Variants in PLXDC1 observed in about 807,000 individuals in gnomAD.
PLXDC1 encodes plexin domain containing 1, also known as plexin domain-containing protein 1.
PLXDC1 carries 39 observed loss-of-function variants against 61.3 expected under a neutral mutation model. That is an observed-to-expected ratio of 0.64 (90% CI 0.49 to 0.83). PLXDC1 has a LOEUF of 0.83. PLXDC1 is among the 40% of genes least tolerant of loss of function. The probability of loss-of-function intolerance (pLI) is 0.00; values close to 1 mark genes in which losing one functional copy is unlikely to be tolerated. For missense variants in PLXDC1, 596 were observed against 666.5 expected (o/e 0.89, Z 1.17); for synonymous variants, 212 against 254.5 (o/e 0.83, Z 1.59).
At chr17:39,084,268 C>T (rs1433970239) in intron 8 of PLXDC1, among the ~76,000 whole-genome samples, 1 of 152,142 alleles carries the variant, frequency 6.6e-6, no homozygotes, top group African/African-American at 2.4e-5. Flanking sequence ...AACATGAGGA[C>T]TGTAGGTAAT....
intron 4 of PLXDC1, 76 bp from the exon 5 acceptor site, chr17:39,108,321 C>G: frequency 6.7e-7 from 1 of 1,489,258 alleles, no homozygotes; most frequent in Non-Finnish European, 9.3e-7. Context: ...TCCCCAAGGG[C>G]AAGAAGGGCA....
In PLXDC1 at chr17:39,107,414, T is replaced by A; in HGVS notation, c.704A>T (p.Tyr235Phe). The A allele has an allele frequency of 6.2e-7, 1 of 1,600,494 alleles. No individual in the cohort carries two copies. The highest frequency in any genetic ancestry group is 1.1e-5 in the South Asian group (1 of 90,204). Residue 235 changes from tyrosine (Y) to phenylalanine (F), a missense_variant, in exon 6 of 14, where the codon TAT (tyrosine) becomes TTT (phenylalanine). Coordinates refer to ENST00000315392, the MANE Select transcript of PLXDC1 (RefSeq NM_020405.5). ...LHHDGRIVFA[Y>F]KEIPMSVPEI... ...GCAGCTGGGCCCACTCACCTCTTTA[T>A]AGGCAAAGACAATGCGGCCGTCATG...
chr17:39,077,890 C>T (rs370949680), intron 11 of PLXDC1, 23 bp downstream of exon 11: 133 of 1,613,488 alleles, frequency 8.2e-5, no homozygotes, highest in Non-Finnish European at 1.0e-4. Context: ...CCTCTCTGCT[C>T]CCCTCCTGGG....
At chr17:39,093,172 A>T (rs951693183) in intron 7 of PLXDC1, among the ~76,000 whole-genome samples, 1 of 151,858 alleles carries the variant, frequency 6.6e-6, no homozygotes, top group Non-Finnish European at 1.5e-5. Flanking sequence ...GGCTCAAGTG[A>T]TTCTCCCACT....
intron 2 of PLXDC1, among the ~76,000 whole-genome samples, chr17:39,134,006 C>G (rs949423388): frequency 6.6e-6 from 1 of 151,942 alleles, no homozygotes; most frequent in African/African-American, 2.4e-5. Flanking sequence ...GCCTGTAATC[C>G]CAGCACTTTG....
At chr17:39,072,323 A>C in intron 12 of PLXDC1, 127 bp downstream of exon 12, 1 of 720,184 alleles carries the variant, frequency 1.4e-6, no homozygotes, top group Non-Finnish European at 2.5e-6. Context: ...GAGGTCTGGG[A>C]TGCTCAGGCT....
At chr17:39,108,771 AC>A in intron 4 of PLXDC1, 132 bp downstream of exon 4, 1 of 660,052 alleles carries the variant, frequency 1.5e-6, no homozygotes, top group Non-Finnish European at 2.7e-6. Flanking sequence ...TGAGAATCAG[AC>A]TCCTATTAGA....
chr17:39,093,939 C>T (rs1910050590), intron 7 of PLXDC1, among the ~76,000 whole-genome samples: 2 of 152,170 alleles, frequency 1.3e-5, no homozygotes, highest in South Asian at 2.1e-4. Flanking sequence ...GCCCCGCACA[C>T]GCATGTGCAC....
intron 2 of PLXDC1, among the ~76,000 whole-genome samples, chr17:39,128,107 A>ATACATATATATATG (rs1911387079): frequency 9.9e-6 from 1 of 100,632 alleles, no homozygotes; most frequent in African/African-American, 4.3e-5. Context: ...GTATATATAT[A>ATACATATATATATG]TATATATGTA....
At chr17:39,094,622 G>T (rs1055199230) in intron 7 of PLXDC1, among the ~76,000 whole-genome samples, 1 of 152,182 alleles carries the variant, frequency 6.6e-6, no homozygotes, top group African/African-American at 2.4e-5. Context: ...CTAAGACAGA[G>T]TCTGCATGGA....
intron 7 of PLXDC1, among the ~76,000 whole-genome samples, chr17:39,103,398 T>C (rs1476474696): frequency 1.3e-5 from 2 of 151,686 alleles, no homozygotes; most frequent in Non-Finnish European, 2.9e-5. Flanking sequence ...TAAAAATTAG[T>C]TGGGCATGGT....
chr17:39,068,974 G>T (rs1186507091), intron 13 of PLXDC1, among the ~76,000 whole-genome samples: 1 of 152,208 alleles, frequency 6.6e-6, no homozygotes, highest in African/African-American at 2.4e-5. Flanking sequence ...GCAGCCCCGA[G>T]TGAAGGGGGC....
At chr17:39,089,867 G>A (rs1049782973) in intron 7 of PLXDC1, among the ~76,000 whole-genome samples, 2 of 151,968 alleles carry the variant, frequency 1.3e-5, no homozygotes, top group African/African-American at 2.4e-5. Flanking sequence ...GGATGATCTC[G>A]GCTCACTGCA....
In PLXDC1 at chr17:39,063,684, T is replaced by C. The variant is rs1908791846; in HGVS notation, c.*4156A>G. 3.6e-6 allele frequency: 2 copies of C among 552,798 alleles called. No homozygotes were observed. The highest frequency in any genetic ancestry group is 6.4e-6 in the Non-Finnish European group (2 of 313,200). The allele number at this position is 552,798 out of a possible 1,614,324, so 34.2% of individuals were successfully genotyped here. ...AGAGAGTTTACACTAAACACATGAA[T>C]ACATTGTGTTTTAGAAGGCTGGGTG... On this transcript the variant is annotated 3_prime_UTR_variant, in exon 14 of 14. Coordinates refer to ENST00000315392, the MANE Select transcript of PLXDC1 (RefSeq NM_020405.5).
intron 7 of PLXDC1, among the ~76,000 whole-genome samples, chr17:39,095,300 C>A (rs1910111699): frequency 6.7e-6 from 1 of 149,388 alleles, no homozygotes; most frequent in African/African-American, 2.5e-5. Context: ...CAACTGCCAG[C>A]TTGTACTTGT....
chr17:39,139,952 T>C, intron 1 of PLXDC1, 120 bp from the exon 2 acceptor site: 1 of 978,952 alleles, frequency 1.0e-6, no homozygotes, highest in Non-Finnish European at 1.5e-6. Context: ...TTGCAGACAC[T>C]TGACTGACTA....
At position 39,083,476 on chromosome 17, in the gene PLXDC1, C is replaced by T; in HGVS notation, c.972G>A (p.Trp324Ter). Residue 324 changes from tryptophan (W) to a stop codon, truncating the protein, a stop_gained, in exon 9 of 14, where the codon TGG becomes TGA. Transcript: ENST00000315392. LOFTEE classifies it high-confidence loss of function. ...MSSDLTFNCS[W>*]CHVLQRCSSG... ...GCACAAACCTCTGGAGGACATGGCACCAGCTGCAGTTGAAGGTCAGGTCTG... is the reference window on the plus strand; with the variant it reads ...GCACAAACCTCTGGAGGACATGGCATCAGCTGCAGTTGAAGGTCAGGTCTG... The T allele has an allele frequency of 6.2e-7, 1 of 1,613,852 alleles. No homozygotes were observed. Among genetic ancestry groups the T allele is most frequent in the Non-Finnish European group, 8.5e-7 (1 of 1,179,844 alleles).
At chr17:39,131,878 C>T (rs16495) in intron 2 of PLXDC1, 13,627 of 152,772 alleles carry the variant, frequency 0.089, 715 homozygotes, top group Middle Eastern at 0.2. Flanking sequence ...TGAAAACCTT[C>T]TTTCGGGAGC....
intron 7 of PLXDC1, among the ~76,000 whole-genome samples, chr17:39,099,115 C>T (rs1047527087): frequency 6.6e-6 from 1 of 152,066 alleles, no homozygotes; most frequent in East Asian, 1.9e-4. Flanking sequence ...AGACCCAACA[C>T]CTCAGCACAC....
Sources: allele counts gnomAD v4.1 joint callset (sites outside exome capture counted in the v4.1 genomes callset), GRCh38; gene constraint gnomAD v4.1.1; transcripts MANE v1.5; gene names NCBI Gene and HGNC (gene_info 2026-07-23, HGNC 2026-07-21).